Variants in NFIL3 observed in about 807,000 individuals in gnomAD.
The protein encoded by NFIL3 is nuclear factor interleukin-3-regulated protein.
In NFIL3, 5 loss-of-function variants were observed where a neutral mutation model predicts 10.0. That is an observed-to-expected ratio of 0.50 (90% confidence interval 0.26 to 1.06). The LOEUF is 1.06. NFIL3 is among the 50% of genes least tolerant of loss of function. The probability of loss-of-function intolerance (pLI) is 0.13; values close to 1 mark genes in which losing one functional copy is unlikely to be tolerated. For missense variants in NFIL3, 436 were observed against 547.6 expected (o/e 0.80, Z 2.03); for synonymous variants, 202 against 206.5 (o/e 0.98, Z 0.19).
At position 91,410,131 on chromosome 9, in the gene NFIL3, T is replaced by C. The variant is rs1388762110; in HGVS notation, c.604A>G (p.Ser202Gly). The change falls in exon 2 of 2, where the codon AGC becomes GGC. Residue 202 changes from serine (S) to glycine (G), a missense_variant. Around this residue, in one of 3 missense-constraint regions of NFIL3, gnomAD observed 338 missense variants for 399.9 expected, o/e 0.85. Coordinates refer to ENST00000297689, the MANE Select transcript of NFIL3 (RefSeq NM_005384.3). The surrounding 1 kb of genome is among the most constrained non-coding windows in gnomAD (Gnocchi z 5.7). ...CTTCTGCAGCTTCCCTGCACAGAGC[T>C]CTCCTGCGTGTGTTCTACTGAGGAC... Reference protein sequence around the residue: ...EVSSVEHTQESSVQGSCRSPE... With the variant: ...EVSSVEHTQEGSVQGSCRSPE... 1 of 1,614,108 alleles carries C rather than the reference T, an allele frequency of 6.2e-7. No individual in the cohort carries two copies.
At chr9:91,446,448 T>G in the NFIL3 span, among the ~76,000 whole-genome samples, 1 of 152,256 alleles carries the variant, frequency 6.6e-6, no homozygotes, top group Non-Finnish European at 1.5e-5. Context: ...TTCTACGAAC[T>G]TCTAGTTGAC....
At chr9:91,440,872 G>GCCTCAC in the NFIL3 span, among the ~76,000 whole-genome samples, 1 of 152,012 alleles carries the variant, frequency 6.6e-6, no homozygotes, top group African/African-American at 2.4e-5. Context: ...AACAATCTTC[G>GCCTCAC]ATATGATTTT....
chr9:91,470,355 T>G, the NFIL3 span, among the ~76,000 whole-genome samples: 1 of 148,154 alleles, frequency 6.7e-6, no homozygotes, highest in Non-Finnish European at 1.5e-5. Flanking sequence ...GTAGTTTGTA[T>G]TTCTGTGGGA....
chr9:91,463,057 G>T, the NFIL3 span, among the ~76,000 whole-genome samples: 2 of 151,538 alleles, frequency 1.3e-5, no homozygotes, highest in East Asian at 3.9e-4. Flanking sequence ...TATAATATTG[G>T]TAATTTATGT....
At chr9:91,463,086 G>T in the NFIL3 span, among the ~76,000 whole-genome samples, 1 of 151,416 alleles carries the variant, frequency 6.6e-6, no homozygotes. Context: ...TTTTTATCTT[G>T]GTTAACCTGT....
the NFIL3 span, among the ~76,000 whole-genome samples, chr9:91,440,072 G>A: frequency 0.13 from 20,292 of 152,094 alleles, 1,510 homozygotes; most frequent in East Asian, 0.34. Context: ...TTTTTTGGAA[G>A]AGTTTAGGAA....
chr9:91,415,405 T>G (rs1453281670), intron 1 of NFIL3, among the ~76,000 whole-genome samples: 2 of 152,244 alleles, frequency 1.3e-5, no homozygotes, highest in African/African-American at 2.4e-5. Context: ...AGAAGTCAAG[T>G]GACTTGCCCA....
the NFIL3 span, among the ~76,000 whole-genome samples, chr9:91,449,366 G>A: frequency 6.6e-6 from 1 of 152,070 alleles, no homozygotes; most frequent in Non-Finnish European, 1.5e-5. Context: ...TAGCATATGA[G>A]AAATTTCCCT....
chr9:91,450,795 G>T, the NFIL3 span, among the ~76,000 whole-genome samples: 5 of 152,272 alleles, frequency 3.3e-5, no homozygotes, highest in African/African-American at 9.6e-5. Flanking sequence ...ATTATTGAAA[G>T]TGGAGTATTG....
rs1174759012 is a variant in NFIL3 at position 91,409,506 on chromosome 9, C to T, written c.1229G>A (p.Ser410Asn). ...QKELSGKTQNSFKTGVVEMKD... is the reference protein window; with the variant it reads ...QKELSGKTQNNFKTGVVEMKD... ...CATTTCAACAACTCCAGTTTTGAAA[C>T]TATTCTGAGTTTTGCCACTCAGTTC... is the stretch of plus-strand genomic sequence containing the variant. Residue 410 changes from serine (S) to asparagine (N), a missense_variant, in exon 2 of 2, where the codon AGT (serine) becomes AAT (asparagine). By Grantham distance (46) the Ser-to-Asn change is conservative. This residue lies in a region of NFIL3 where 338 missense variants were observed against 399.9 expected (regional missense o/e 0.85). Coordinates refer to ENST00000297689, the MANE Select transcript of NFIL3 (RefSeq NM_005384.3). 1 of 1,613,900 alleles carries T rather than the reference C, an allele frequency of 6.2e-7. No homozygotes were observed. The highest frequency in any genetic ancestry group is 1.7e-5 in the Admixed American group (1 of 59,962).
At chr9:91,462,344 T>C in the NFIL3 span, among the ~76,000 whole-genome samples, 1 of 152,170 alleles carries the variant, frequency 6.6e-6, no homozygotes, top group South Asian at 2.1e-4. Context: ...GATAGTTTTT[T>C]TGTAAGCGTT....
chr9:91,439,801 G>A, the NFIL3 span, among the ~76,000 whole-genome samples: 716 of 152,208 alleles, frequency 4.7e-3, 7 homozygotes, highest in African/African-American at 0.016. Context: ...TTCTGTTAAT[G>A]TAGTATATTA....
intron 1 of NFIL3, among the ~76,000 whole-genome samples, chr9:91,417,235 T>C (rs922709383): frequency 2.7e-4 from 41 of 151,258 alleles, no homozygotes; most frequent in Non-Finnish European, 1.0e-4. Context: ...ATTTTCCCTC[T>C]ACTCTCTGAA....
chr9:91,452,411 T>C, the NFIL3 span, among the ~76,000 whole-genome samples: 3 of 151,606 alleles, frequency 2.0e-5, no homozygotes, highest in Non-Finnish European at 2.9e-5. Context: ...TCAGTTGTCC[T>C]ACATTTCCAG....
At chr9:91,460,271 C>CTTTTTTTTTTTTTTTT in the NFIL3 span, among the ~76,000 whole-genome samples, 442 of 70,412 alleles carry the variant, frequency 6.3e-3, 108 homozygotes, top group African/African-American at 0.019. Flanking sequence ...GGGCTTGGTT[C>CTTTTTTTTTTTTTTTT]TTTTTTTTTT....
chr9:91,482,671 T>G, the NFIL3 span, among the ~76,000 whole-genome samples: 1 of 151,984 alleles, frequency 6.6e-6, no homozygotes, highest in African/African-American at 2.4e-5. Flanking sequence ...CCGACTAATT[T>G]TTGTATTTTT....
At chr9:91,429,960 CT>C in the NFIL3 span, among the ~76,000 whole-genome samples, 1 of 152,084 alleles carries the variant, frequency 6.6e-6, no homozygotes, top group East Asian at 1.9e-4. Context: ...TCACTTTCAC[CT>C]TTTGACAACC....
At chr9:91,441,270 T>G in the NFIL3 span, among the ~76,000 whole-genome samples, 8 of 152,266 alleles carry the variant, frequency 5.3e-5, no homozygotes, top group African/African-American at 1.7e-4. Flanking sequence ...TTTTTTTGTC[T>G]CTTGTGACAG....
chr9:91,458,527 C>CT, the NFIL3 span, among the ~76,000 whole-genome samples: 1 of 151,744 alleles, frequency 6.6e-6, no homozygotes, highest in Non-Finnish European at 1.5e-5. Context: ...TTTCTTCTAT[C>CT]TTTTTTTTCT....
Sources: gnomAD v4.1 joint callset for allele counts (sites outside exome capture counted in the v4.1 genomes callset) on GRCh38, gnomAD v4.1.1 for gene constraint, gnomAD v4.1.1 regional missense constraint, Gnocchi (gnomAD v3.1) non-coding constraint, MANE v1.5 for transcripts, NCBI Gene and HGNC (gene_info 2026-07-23, HGNC 2026-07-21) for gene names.